Variants in KPNA5 observed in about 807,000 individuals in gnomAD.
The protein encoded by KPNA5 is karyopherin subunit alpha 5.
In KPNA5, 46 loss-of-function variants were observed where a neutral mutation model predicts 71.3. The observed-to-expected ratio is 0.65, with a 90% CI of 0.51 to 0.83. The LOEUF (loss-of-function observed/expected upper bound fraction) is 0.83, where lower values mean the gene tolerates loss of function less well. Among genes scored for constraint, KPNA5 ranks in the 40% least tolerant of loss-of-function variants. The pLI, the probability that KPNA5 is intolerant of heterozygous loss-of-function variation, is 0.00. For missense variants in KPNA5, 547 were observed against 628.3 expected, an observed-to-expected ratio of 0.87 and a Z score of 1.38; for synonymous variants, 207 against 201.4, an observed-to-expected ratio of 1.03 and a Z score of -0.24.
chr6:116,715,165 C>T (rs1228319288), intron 7 of KPNA5, among the ~76,000 whole-genome samples: 1 of 152,136 alleles, frequency 6.6e-6, no homozygotes, highest in Non-Finnish European at 1.5e-5. Context: ...TTGCATATGT[C>T]ACTCTAAAAC....
In KPNA5 at chr6:116,692,364, A is replaced by G. The variant is rs150895989; in HGVS notation, c.312A>G (p.Thr104=). The G allele has an allele frequency of 2.2e-5, 35 of 1,604,138 alleles. No individual in the cohort carries two copies. The highest frequency in any genetic ancestry group is 2.8e-5 in the Non-Finnish European group (33 of 1,176,826). ...SNNADQQLTA[T]QKFRKLLSKE... ...ATGCTGATCAACAGCTAACAGCAAC[A>G]CAGAAATTTAGAAAGCTGCTTTCTA... The change falls in exon 4 of 14, where the codon ACA becomes ACG. Residue 104 remains threonine, a synonymous_variant. Coordinates refer to ENST00000368564, the MANE Select transcript of KPNA5 (RefSeq NM_001366306.2).
rs1056334840 is a variant in KPNA5 at position 116,736,650 on chromosome 6, C to G, written c.*4327C>G. 1 of 151,916 alleles carries G rather than the reference C, an allele frequency of 6.6e-6. No individual in the cohort carries two copies. Among genetic ancestry groups the G allele is most frequent in the Non-Finnish European group, 1.5e-5 (1 of 67,904 alleles). The allele number at this position is 151,916 out of a possible 1,614,324, so 9.4% of individuals were successfully genotyped here. On this transcript the variant is annotated 3_prime_UTR_variant, in exon 14 of 14. Transcript: ENST00000368564. The stretch of plus-strand genomic sequence containing the variant: ...GGATCCATGGATTTATAGTTTTCAT[C>G]AAATTTGAAAACACAGCAATTATTT...
intron 7 of KPNA5, among the ~76,000 whole-genome samples, chr6:116,710,603 A>G (rs997475296): frequency 6.6e-6 from 1 of 151,874 alleles, no homozygotes; most frequent in Non-Finnish European, 1.5e-5. Flanking sequence ...ATTATTCATT[A>G]ATGTTTGGTA....
At chr6:116,693,519 C>A (rs1777891109) in intron 4 of KPNA5, among the ~76,000 whole-genome samples, 1 of 152,180 alleles carries the variant, frequency 6.6e-6, no homozygotes, top group South Asian at 2.1e-4. Context: ...TGTCTTTTGG[C>A]TGCATGAATG....
At chr6:116,711,280 A>T (rs1778672227) in intron 7 of KPNA5, among the ~76,000 whole-genome samples, 2 of 150,292 alleles carry the variant, frequency 1.3e-5, no homozygotes, top group African/African-American at 2.4e-5. Context: ...TGGGTCAAAG[A>T]ACTGCCTTTT....
rs1458668385 is a variant in KPNA5, at chr6:116,733,095, C to T, written c.*772C>T. On this transcript the variant is annotated 3_prime_UTR_variant, in exon 14 of 14. Coordinates refer to ENST00000368564, the MANE Select transcript of KPNA5 (RefSeq NM_001366306.2). ...TTTTGTATTTCAACCAAATATGCTA[C>T]CATTTTTGAAATAGTGTTTTATTGT... is the stretch of plus-strand genomic sequence containing the variant. 2.0e-5 allele frequency: 3 copies of T among 151,710 alleles called. No individual in the cohort carries two copies. Among genetic ancestry groups the T allele is most frequent in the African/African-American group, 7.3e-5 (3 of 41,376 alleles). 9.4% of individuals were successfully genotyped at this position (151,710 alleles called of 1,614,324 possible).
At chr6:116,699,476 C>G (rs1778152519) in intron 5 of KPNA5, among the ~76,000 whole-genome samples, 1 of 152,124 alleles carries the variant, frequency 6.6e-6, no homozygotes. Context: ...CTTATAAATG[C>G]TATTGTCAAT....
chr6:116,701,195 G>A (rs1157412281), intron 5 of KPNA5, among the ~76,000 whole-genome samples: 2 of 151,934 alleles, frequency 1.3e-5, no homozygotes, highest in African/African-American at 2.4e-5. Flanking sequence ...TTATAATGAC[G>A]TGTACGTTTA....
In KPNA5 at chr6:116,741,821, A is replaced by G. The variant is rs1392007956; in HGVS notation, c.*9498A>G. ...TAAAGCATTGTTCTTAATCCCCATG[A>G]CTGTCCTTCAGTCACAATTCCAGAA... On this transcript the variant is annotated 3_prime_UTR_variant, in exon 14 of 14. Coordinates refer to ENST00000368564, the MANE Select transcript of KPNA5 (RefSeq NM_001366306.2). 1 of 152,144 alleles carries G rather than the reference A, an allele frequency of 6.6e-6. No homozygotes were observed. The highest frequency in any genetic ancestry group is 1.5e-5 in the Non-Finnish European group (1 of 67,988). The allele number at this position is 152,144 out of a possible 1,614,324, so 9.4% of individuals were successfully genotyped here.
At chr6:116,717,527 G>A (rs1486993875) in intron 8 of KPNA5, among the ~76,000 whole-genome samples, 1 of 152,182 alleles carries the variant, frequency 6.6e-6, no homozygotes, top group Non-Finnish European at 1.5e-5. Flanking sequence ...TGGGTCTGCA[G>A]CAACCTCATT....
At chr6:116,727,891 A>G (rs1030550283) in intron 12 of KPNA5, among the ~76,000 whole-genome samples, 6 of 152,150 alleles carry the variant, frequency 3.9e-5, no homozygotes, top group Non-Finnish European at 7.4e-5. Flanking sequence ...CCTCCATGAA[A>G]CTAGACTTCT....
In KPNA5 at chr6:116,735,315, A is replaced by G. The variant is rs1209550542; in HGVS notation, c.*2992A>G. 6.6e-6 allele frequency: 1 copy of G among 151,750 alleles called. No homozygotes were observed. The highest frequency in any genetic ancestry group is 2.4e-5 in the African/African-American group (1 of 41,404). The allele number at this position is 151,750 out of a possible 1,614,324, so 9.4% of individuals were successfully genotyped here. A position where few individuals can be genotyped will look rare whatever the true frequency, so the allele number is the denominator to read the frequency against. ...ATTTTTTCTTCTTTTAAGAAGGAGC[A>G]TTATGGAAAAATAAATATAAAGTCT... is the stretch of plus-strand genomic sequence containing the variant. On this transcript the variant is annotated 3_prime_UTR_variant, in exon 14 of 14. Coordinates refer to ENST00000368564, the MANE Select transcript of KPNA5 (RefSeq NM_001366306.2).
chr6:116,696,740 G>T (rs1778043774), intron 4 of KPNA5, among the ~76,000 whole-genome samples: 1 of 151,996 alleles, frequency 6.6e-6, no homozygotes, highest in Admixed American at 6.6e-5. Context: ...ATGACTAAAA[G>T]TCTTCTCGGT....
At chr6:116,709,543 G>C (rs1449588355) in intron 7 of KPNA5, among the ~76,000 whole-genome samples, 2 of 152,130 alleles carry the variant, frequency 1.3e-5, no homozygotes, top group African/African-American at 4.8e-5. Context: ...TTTAAAAAAA[G>C]ATAGTTTCAT....
chr6:116,694,194 T>G (rs1012826395), intron 4 of KPNA5, among the ~76,000 whole-genome samples: 27 of 152,166 alleles, frequency 1.8e-4, no homozygotes, highest in Admixed American at 2.0e-4. Flanking sequence ...TTGTTCTTTT[T>G]GCTTAGGATT....
In KPNA5 at chr6:116,737,632, A is replaced by G. The variant is rs1286640104; in HGVS notation, c.*5309A>G. 2.0e-5 allele frequency: 3 copies of G among 151,964 alleles called. No individual in the cohort carries two copies. Among genetic ancestry groups the G allele is most frequent in the Admixed American group, 1.3e-4 (2 of 15,190 alleles). The allele number at this position is 151,964 out of a possible 1,614,324, so 9.4% of individuals were successfully genotyped here. On this transcript the variant is annotated 3_prime_UTR_variant, in exon 14 of 14. Coordinates refer to ENST00000368564, the MANE Select transcript of KPNA5 (RefSeq NM_001366306.2). Reference sequence around the variant, plus strand: ...GTTTGTTTCCTCTGTTTCATAGATCACGGTTCCTCATTATCTGATGTCTAA... The same window carrying G: ...GTTTGTTTCCTCTGTTTCATAGATCGCGGTTCCTCATTATCTGATGTCTAA...
At chr6:116,709,507 T>C (rs1778571283) in intron 7 of KPNA5, among the ~76,000 whole-genome samples, 1 of 152,220 alleles carries the variant, frequency 6.6e-6, no homozygotes, top group Non-Finnish European at 1.5e-5. Context: ...CTGTGCAACA[T>C]GGTAAGACTC....
chr6:116,700,436 C>T (rs981358986), intron 5 of KPNA5, among the ~76,000 whole-genome samples: 1 of 151,996 alleles, frequency 6.6e-6, no homozygotes, highest in East Asian at 1.9e-4. Context: ...CACCACTGCA[C>T]TCCAGCCTGG....
At chr6:116,681,610 C>T (rs1777359571) in intron 1 of KPNA5, 4 of 1,054,506 alleles carry the variant, frequency 3.8e-6, no homozygotes, top group Non-Finnish European at 4.8e-6. Context: ...GTCTCATCTT[C>T]GCCGCCCCGC....
Sources: gnomAD v4.1 joint callset for allele counts (sites outside exome capture counted in the v4.1 genomes callset) on GRCh38, gnomAD v4.1.1 for gene constraint, MANE v1.5 for transcripts, NCBI Gene and HGNC (gene_info 2026-07-23, HGNC 2026-07-21) for gene names.